The following GALNT5 variants were observed in gnomAD, a reference collection of about 807,000 sequenced individuals.
GALNT5 encodes UDP-GalNAc:polypeptide N-acetylgalactosaminyltransferase 5.
GALNT5 carries 72 observed loss-of-function variants against 85.4 expected under a neutral mutation model. The ratio of observed to expected loss-of-function variants is 0.84; its 90% CI spans 0.70 to 1.03. The LOEUF (loss-of-function observed/expected upper bound fraction) is 1.03. GALNT5 is among the 50% of genes least tolerant of loss of function. GALNT5 has a pLI of 0.00. For synonymous variants in GALNT5, 404 were observed against 397.0 expected, an observed-to-expected ratio of 1.02 and a Z score of -0.21; for missense variants, 1,137 against 1,135.5, an observed-to-expected ratio of 1.00 and a Z score of -0.02.
chr2:157,296,555 T>C (rs1451864910), intron 5 of GALNT5, 42 bp downstream of exon 5: 1 of 1,522,500 alleles, frequency 6.6e-7, no homozygotes, highest in Admixed American at 1.7e-5. Flanking sequence ...GTCATGTATC[T>C]TTTTGTAAAA....
At position 157,287,377 on chromosome 2, in the gene GALNT5, TCTCCCTCTCCTGCTTTCTAACTCTTC is replaced by T. The variant is rs559675635; in HGVS notation, c.1741+1250_1741+1275del. ...CATGTGTAAGGAGAAAATCTCTATC[TCTCCCTCTCCTGCTTTCTAACTCTTC>T]CTCCCTTTCCCCTCAATCTCCCTCT... On this transcript the variant is annotated intron_variant, in intron 3 of 9. Coordinates refer to ENST00000259056, the MANE Select transcript of GALNT5 (RefSeq NM_014568.3). Among the ~76,000 whole-genome samples, 220 of 152,214 alleles carry T rather than the reference TCTCCCTCTCCTGCTTTCTAACTCTTC, an allele frequency of 1.4e-3. 1 individual carries two copies. The South Asian group carries it at 0.019, about 13-fold the overall frequency.
In GALNT5 at chr2:157,284,547, A is replaced by T; in HGVS notation, c.1621+99A>T. ...GGCAAAATTATAGGATAATTTGATG[A>T]AGCATAAACATCGTACAAATGCTTT... On this transcript the variant is annotated intron_variant, in intron 2 of 9. Coordinates refer to ENST00000259056, the MANE Select transcript of GALNT5 (RefSeq NM_014568.3). 6.0e-6 allele frequency: 5 copies of T among 829,576 alleles called. No individual in the cohort carries two copies. The South Asian group carries it at 6.1e-5, about 10-fold the overall frequency. The allele number at this position is 829,576 out of a possible 1,614,324, so 51.4% of individuals were successfully genotyped here.
intron 9 of GALNT5, 114 bp from the exon 10 acceptor site, chr2:157,311,094 C>A: frequency 1.2e-6 from 1 of 831,992 alleles, no homozygotes; most frequent in Non-Finnish European, 1.9e-6. Context: ...CAGAAGAATT[C>A]TTAAAAATCA....
rs1290855634 is a variant in GALNT5 at position 157,317,200 on chromosome 2, T to TATATA, written c.*5852_*5853insATATA. 2.8e-4 allele frequency among the ~76,000 whole-genome samples: 36 copies of TATATA among 128,428 alleles called. No individual in the cohort carries two copies. Among genetic ancestry groups the TATATA allele is most frequent in the African/African-American group, 1.0e-3 (35 of 34,540 alleles). 84.3% of individuals were successfully genotyped at this position (128,428 alleles called of 152,430 possible). Reference sequence around the variant, plus strand: ...TATATATATATATATATATATATATTTTTTTTTTTGATGCTTTGATCTGGA... The same window carrying TATATA: ...TATATATATATATATATATATATATTATATATTTTTTTTTGATGCTTTGATCTGGA... On this transcript the variant is annotated 3_prime_UTR_variant, in exon 10 of 10. Coordinates refer to ENST00000259056, the MANE Select transcript of GALNT5 (RefSeq NM_014568.3).
intron 7 of GALNT5, 147 bp downstream of exon 7, chr2:157,301,146 A>G: frequency 1.6e-6 from 1 of 644,026 alleles, no homozygotes; most frequent in Non-Finnish European, 2.7e-6. Flanking sequence ...TGAGAATTAA[A>G]TATAGGTAAA....
At chr2:157,299,692 C>A in intron 6 of GALNT5, 27 bp downstream of exon 6, 1 of 1,218,928 alleles carries the variant, frequency 8.2e-7, no homozygotes, top group Non-Finnish European at 1.2e-6. Context: ...CCCAACTTTT[C>A]TTTACGATAA....
intron 1 of GALNT5, among the ~76,000 whole-genome samples, chr2:157,283,236 T>C (rs1464299287): frequency 6.6e-6 from 1 of 152,196 alleles, no homozygotes; most frequent in Non-Finnish European, 1.5e-5. Context: ...AGGTCGACAT[T>C]GAAATAATAT....
intron 1 of GALNT5, among the ~76,000 whole-genome samples, chr2:157,263,764 C>A (rs1459541029): frequency 2.0e-5 from 3 of 152,172 alleles, no homozygotes; most frequent in East Asian, 3.9e-4. Flanking sequence ...ATGAAACCTG[C>A]AGCAAGTCTG....
In GALNT5 at chr2:157,258,152, A is replaced by G. The variant is rs1297174683; in HGVS notation, c.70A>G (p.Ile24Val). 6.2e-7 allele frequency: 1 copy of G among 1,614,086 alleles called. No individual in the cohort carries two copies. Among genetic ancestry groups the G allele is most frequent in the East Asian group, 2.2e-5 (1 of 44,860 alleles). ...VLAFIFVASVIWLLFDMAALR... is the reference protein window; with the variant it reads ...VLAFIFVASVVWLLFDMAALR... ...GGCATTTATCTTTGTAGCTTCTGTC[A>G]TCTGGCTCCTCTTTGACATGGCAGC... The change falls in exon 1 of 10, where the codon ATC becomes GTC. Residue 24 changes from isoleucine (I) to valine (V), a missense_variant. Coordinates refer to ENST00000259056, the MANE Select transcript of GALNT5 (RefSeq NM_014568.3).
chr2:157,311,408 T>G lies in GALNT5; in HGVS notation c.*60T>G. The G allele has an allele frequency of 9.0e-7, 1 of 1,105,372 alleles. No individual in the cohort carries two copies. Among genetic ancestry groups the G allele is most frequent in the Non-Finnish European group, 1.3e-6 (1 of 771,672 alleles). 68.5% of individuals were successfully genotyped at this position (1,105,372 alleles called of 1,614,324 possible). A position where few individuals can be genotyped will look rare whatever the true frequency, so the allele number is the denominator to read the frequency against. ...AAATACTGTGAAAATAACACTGAAC[T>G]TGGAAACTATATTTCTCAGCGGTAG... On this transcript the variant is annotated 3_prime_UTR_variant, in exon 10 of 10. Coordinates refer to ENST00000259056, the MANE Select transcript of GALNT5 (RefSeq NM_014568.3).
chr2:157,300,863 T>A lies in GALNT5; in HGVS notation c.2303T>A (p.Ile768Asn). Residue 768 changes from isoleucine to asparagine, a missense_variant, in exon 7 of 10, where the codon ATC becomes AAC. Coordinates refer to ENST00000259056, the MANE Select transcript of GALNT5 (RefSeq NM_014568.3). ...ELFYGHGDHL[I>N]DQGLDVGNLT... is the part of the protein sequence containing the mutation. ...TTCTATGGCCACGGAGACCACCTCA[T>A]CGACCAAGGGCTAGATGTTGGCAAC... The A allele has an allele frequency of 6.2e-7, 1 of 1,614,078 alleles. No homozygotes were observed.
intron 3 of GALNT5, among the ~76,000 whole-genome samples, chr2:157,291,411 T>G (rs1407931893): frequency 6.6e-6 from 1 of 152,222 alleles, no homozygotes; most frequent in African/African-American, 2.4e-5. Context: ...AACTTGTATC[T>G]GCTGCAGGTA....
intron 3 of GALNT5, among the ~76,000 whole-genome samples, chr2:157,289,136 C>A (rs143176993): frequency 1.3e-3 from 188 of 146,350 alleles, no homozygotes; most frequent in Admixed American, 3.9e-3. Context: ...TTTCTCTCTG[C>A]CTGCACGGAG....
rs547569609 is a variant in GALNT5 at position 157,314,281 on chromosome 2, A to T, written c.*2933A>T. 1 of 151,972 alleles carries T rather than the reference A, an allele frequency of 6.6e-6. No individual in the cohort carries two copies. Among genetic ancestry groups the T allele is most frequent in the Non-Finnish European group, 1.5e-5 (1 of 68,024 alleles). The allele number at this position is 151,972 out of a possible 1,614,324, so 9.4% of individuals were successfully genotyped here. A position where few individuals can be genotyped will look rare whatever the true frequency, so the allele number is the denominator to read the frequency against. On this transcript the variant is annotated 3_prime_UTR_variant, in exon 10 of 10. Coordinates refer to ENST00000259056, the MANE Select transcript of GALNT5 (RefSeq NM_014568.3). ...AAGGGTGGTCTTGATAATATTTGAC[A>T]GCACTAACCAACTTACCAAGCCATC...
chr2:157,295,756 T>C lies in GALNT5; in HGVS notation c.1835T>C (p.Val612Ala). The change falls in exon 4 of 10, where the codon GTG (valine) becomes GCG (alanine). Residue 612 changes from valine to alanine, a missense_variant. Transcript: ENST00000259056. The stretch of plus-strand genomic sequence containing the variant: ...AGAGTTTATTTAAGTAGAAAGAAAG[T>C]GGCCTGTCCAGTAATCGAAGTCATC... Reference protein sequence around the residue: ...LERVYLSRKKVACPVIEVIND... With the variant: ...LERVYLSRKKAACPVIEVIND... 6 of 1,609,044 alleles carry C rather than the reference T, an allele frequency of 3.7e-6. No individual in the cohort carries two copies. Among genetic ancestry groups the C allele is most frequent in the Non-Finnish European group, 5.1e-6 (6 of 1,175,506 alleles).
Position 157,284,435 on chromosome 2 carries a change from C to T in GALNT5, c.1608C>T (p.Asp536=). Residue 536 remains aspartate (D), a synonymous_variant, in exon 2 of 10, where the codon GAC becomes GAT. Coordinates refer to ENST00000259056, the MANE Select transcript of GALNT5 (RefSeq NM_014568.3). ...HLIKEILLVD[D]FSTKDYLKDN... is the part of the protein sequence containing the mutation. Reference sequence around the variant, plus strand: ...TCAAGGAGATTCTGCTGGTAGATGACTTCAGCACCAAAGGTAAGAAAACCA... The same window carrying T: ...TCAAGGAGATTCTGCTGGTAGATGATTTCAGCACCAAAGGTAAGAAAACCA... 6.2e-7 allele frequency: 1 copy of T among 1,613,560 alleles called. No homozygotes were observed. Among genetic ancestry groups the T allele is most frequent in the African/African-American group, 1.3e-5 (1 of 75,046 alleles).
At chr2:157,265,929 A>G (rs774463981) in intron 1 of GALNT5, among the ~76,000 whole-genome samples, 3 of 152,234 alleles carry the variant, frequency 2.0e-5, no homozygotes, top group Non-Finnish European at 2.9e-5. Flanking sequence ...AGAAGCAGCA[A>G]TATGAGGAAA....
chr2:157,267,422 A>G (rs1427022533), intron 1 of GALNT5, among the ~76,000 whole-genome samples: 2 of 152,234 alleles, frequency 1.3e-5, no homozygotes, highest in Non-Finnish European at 1.5e-5. Context: ...AAGCACTTAC[A>G]GGTAAATGCT....
chr2:157,297,537 A>G (rs1226893952), intron 5 of GALNT5, among the ~76,000 whole-genome samples: 1 of 152,128 alleles, frequency 6.6e-6, no homozygotes, highest in African/African-American at 2.4e-5. Context: ...CTGAACCTAC[A>G]CCTAAAGAAC....
Sources: allele counts gnomAD v4.1 joint callset (sites outside exome capture counted in the v4.1 genomes callset), GRCh38; gene constraint gnomAD v4.1.1; transcripts MANE v1.5; gene names NCBI Gene and HGNC (gene_info 2026-07-23, HGNC 2026-07-21).